ARHGAP32: variants seen among roughly 807,000 people sequenced by gnomAD.
The protein encoded by ARHGAP32 is Rho GTPase activating protein 32.
A neutral mutation model predicts 186.5 loss-of-function variants in ARHGAP32; 51 were observed. That is an observed-to-expected ratio of 0.27 (90% CI 0.22 to 0.35). ARHGAP32 has a LOEUF of 0.35. Among genes scored for constraint, ARHGAP32 ranks in the 10% least tolerant of loss-of-function variants. ARHGAP32 has a pLI of 1.00. For missense variants in ARHGAP32, 2,186 were observed against 2,623.5 expected (o/e 0.83, Z 3.64); for synonymous variants, 950 against 964.3 (o/e 0.99, Z 0.27).
chr11:129,008,665 A>T (rs1401965386), intron 11 of ARHGAP32, among the ~76,000 whole-genome samples: 1 of 152,212 alleles, frequency 6.6e-6, no homozygotes, highest in African/African-American at 2.4e-5. Flanking sequence ...AATGAAAAAA[A>T]ATTATTATTT....
intron 1 of ARHGAP32, among the ~76,000 whole-genome samples, chr11:129,235,900 A>ACACACACACACAC (rs1944922595): frequency 6.9e-6 from 1 of 145,660 alleles, no homozygotes; most frequent in African/African-American, 2.6e-5. Flanking sequence ...GTCATTCATA[A>ACACACACACACAC]ACACACACAC....
chr11:129,247,034 G>A (rs79932788), intron 1 of ARHGAP32, among the ~76,000 whole-genome samples: 1 of 151,938 alleles, frequency 6.6e-6, no homozygotes, highest in Non-Finnish European at 1.5e-5. Context: ...TACCTTCCAC[G>A]CTCTATAGTA....
intron 2 of ARHGAP32, among the ~76,000 whole-genome samples, chr11:129,128,320 T>C (rs923158944): frequency 1.3e-5 from 2 of 152,208 alleles, no homozygotes; most frequent in Non-Finnish European, 2.9e-5. Flanking sequence ...ATAAATTCCT[T>C]GAGCATGAAG....
At chr11:129,126,044 A>G (rs1942651658) in intron 2 of ARHGAP32, 1 of 439,328 alleles carries the variant, frequency 2.3e-6, no homozygotes, top group African/African-American at 2.0e-5. Context: ...TTACTTCATA[A>G]TCCTAGGTAT....
chr11:129,137,521 A>G (rs1942962478), intron 2 of ARHGAP32, among the ~76,000 whole-genome samples: 1 of 152,014 alleles, frequency 6.6e-6, no homozygotes, highest in African/African-American at 2.4e-5. Flanking sequence ...TACTAATAAT[A>G]TATTCCTAGT....
At chr11:129,167,777 A>C (rs1771842178) in intron 1 of ARHGAP32, among the ~76,000 whole-genome samples, 2 of 152,212 alleles carry the variant, frequency 1.3e-5, no homozygotes, top group South Asian at 4.1e-4. Flanking sequence ...TTTCTTTCTC[A>C]AATGTTCTAG....
At position 129,164,302 on chromosome 11, in the gene ARHGAP32, G is replaced by A; in HGVS notation, c.225+17C>T. 3 of 1,408,416 alleles carry A rather than the reference G, an allele frequency of 2.1e-6. No individual in the cohort carries two copies. Among genetic ancestry groups the A allele is most frequent in the Non-Finnish European group, 2.9e-6 (3 of 1,023,400 alleles). The allele number at this position is 1,408,416 out of a possible 1,614,324, so 87.2% of individuals were successfully genotyped here. ...CATATATATGTATATATGAACAATT[G>A]TATAAAACTGATTTACCATTGCGCT... On this transcript the variant is annotated intron_variant, in intron 2 of 22. Coordinates refer to ENST00000682385, the MANE Select transcript of ARHGAP32 (RefSeq NM_001378024.1).
At chr11:129,068,313 T>C (rs560335396) in intron 6 of ARHGAP32, among the ~76,000 whole-genome samples, 16 of 152,104 alleles carry the variant, frequency 1.1e-4, no homozygotes, top group Non-Finnish European at 2.4e-4. Context: ...AATGTTCCTT[T>C]CCTTGCCTTC....
At chr11:129,208,183 G>A (rs1944539431) in intron 1 of ARHGAP32, among the ~76,000 whole-genome samples, 2 of 152,150 alleles carry the variant, frequency 1.3e-5, no homozygotes, top group South Asian at 2.1e-4. Context: ...CAGGAAAGAG[G>A]AAACAACTTA....
intron 2 of ARHGAP32, among the ~76,000 whole-genome samples, chr11:129,149,094 C>A (rs12278056): frequency 0.051 from 7,830 of 152,268 alleles, 288 homozygotes; most frequent in Middle Eastern, 0.099. Flanking sequence ...AAATCCTTAT[C>A]CTGGCCAATG....
chr11:128,985,854 GTGTGTATA>G (rs1476486233), intron 15 of ARHGAP32, 141 bp downstream of exon 15: 82 of 120,224 alleles, frequency 6.8e-4, no homozygotes, highest in East Asian at 2.5e-3. Context: ...GTGTGTGTGT[GTGTGTATA>G]TATATATATA....
intron 1 of ARHGAP32, among the ~76,000 whole-genome samples, chr11:129,181,053 T>G (rs374039277): frequency 6.6e-6 from 1 of 152,258 alleles, no homozygotes; most frequent in African/African-American, 2.4e-5. Context: ...ACCCAGGAAC[T>G]GCACCTCAGG....
chr11:129,020,547 C>T (rs563974637), intron 11 of ARHGAP32, among the ~76,000 whole-genome samples: 105 of 152,152 alleles, frequency 6.9e-4, no homozygotes, highest in African/African-American at 2.3e-3. Flanking sequence ...GAAAATGCCA[C>T]ATACTTTATA....
chr11:129,234,919 C>T (rs1944908459), intron 1 of ARHGAP32, among the ~76,000 whole-genome samples: 1 of 152,166 alleles, frequency 6.6e-6, no homozygotes, highest in Non-Finnish European at 1.5e-5. Context: ...TAGGACTTCA[C>T]TGGTTTTGAC....
chr11:129,128,756 G>T (rs1381331397), intron 2 of ARHGAP32, among the ~76,000 whole-genome samples: 1 of 152,160 alleles, frequency 6.6e-6, no homozygotes, highest in African/African-American at 2.4e-5. Flanking sequence ...ACTGGTTTTT[G>T]CATTTTTTGG....
intron 2 of ARHGAP32, among the ~76,000 whole-genome samples, chr11:129,132,622 C>T (rs1942837726): frequency 6.6e-6 from 1 of 152,166 alleles, no homozygotes; most frequent in African/African-American, 2.4e-5. Flanking sequence ...TCAACACTCT[C>T]CAGAGGATTT....
intron 1 of ARHGAP32, among the ~76,000 whole-genome samples, chr11:129,241,884 A>G (rs1396512103): frequency 2.0e-5 from 3 of 152,240 alleles, no homozygotes; most frequent in African/African-American, 7.2e-5. Context: ...CTGTGTAAAT[A>G]TAATAAAGCA....
At chr11:129,108,592 T>C (rs1205073673) in intron 5 of ARHGAP32, among the ~76,000 whole-genome samples, 1 of 152,160 alleles carries the variant, frequency 6.6e-6, no homozygotes, top group Non-Finnish European at 1.5e-5. Context: ...CATATGTTTG[T>C]TGATCACCTC....
intron 1 of ARHGAP32, among the ~76,000 whole-genome samples, chr11:129,173,508 C>A (rs1224792362): frequency 6.6e-6 from 1 of 152,054 alleles, no homozygotes; most frequent in Non-Finnish European, 1.5e-5. Context: ...CAGAAAGAAA[C>A]ACAACCAAAA....
Sources: gnomAD v4.1 joint callset for allele counts (sites outside exome capture counted in the v4.1 genomes callset) on GRCh38, gnomAD v4.1.1 for gene constraint, MANE v1.5 for transcripts, NCBI Gene and HGNC (gene_info 2026-07-23, HGNC 2026-07-21) for gene names.